ALPK2: variants seen among roughly 807,000 people sequenced by gnomAD.
ALPK2 encodes alpha-protein kinase 2.
A neutral mutation model predicts 163.1 loss-of-function variants in ALPK2; 127 were observed. The ratio of observed to expected loss-of-function variants is 0.78; its 90% confidence interval spans 0.67 to 0.90. ALPK2 has a LOEUF of 0.90. Among genes scored for constraint, ALPK2 ranks in the 40% least tolerant of loss-of-function variants. The pLI is 0.00. For missense variants in ALPK2, 2,360 were observed against 2,589.6 expected, an observed-to-expected ratio of 0.91 and a Z score of 1.92; for synonymous variants, 953 against 959.1, an observed-to-expected ratio of 0.99 and a Z score of 0.12.
intron 3 of ALPK2, among the ~76,000 whole-genome samples, chr18:58,589,209 A>ATG (rs1458508156): frequency 5.9e-5 from 9 of 152,184 alleles, no homozygotes; most frequent in Admixed American, 6.5e-5. Context: ...TCTTAGGCTG[A>ATG]TGATATAATT....
chr18:58,572,623 A>G (rs1221057721), intron 4 of ALPK2, among the ~76,000 whole-genome samples: 1 of 152,242 alleles, frequency 6.6e-6, no homozygotes, highest in Non-Finnish European at 1.5e-5. Flanking sequence ...AAAAACTTGT[A>G]TACTGTATGA....
At chr18:58,532,950 C>T (rs17065121) in intron 5 of ALPK2, among the ~76,000 whole-genome samples, 30,784 of 152,144 alleles carry the variant, frequency 0.2, 4,061 homozygotes, top group East Asian at 0.56. Flanking sequence ...GACCCAAACA[C>T]CCGCTAGTAT....
intron 6 of ALPK2, among the ~76,000 whole-genome samples, chr18:58,524,577 T>C (rs1007084381): frequency 6.6e-6 from 1 of 152,208 alleles, no homozygotes; most frequent in African/African-American, 2.4e-5. Flanking sequence ...CCCAAAATTA[T>C]TAAGTTCCGG....
At chr18:58,496,392 C>T (rs1019256165) in intron 12 of ALPK2, among the ~76,000 whole-genome samples, 3 of 152,212 alleles carry the variant, frequency 2.0e-5, no homozygotes, top group African/African-American at 7.2e-5. Flanking sequence ...AGCCTGGAGA[C>T]AGTTCCAACA....
Position 58,580,101 on chromosome 18 carries a change from T to G in ALPK2, c.675A>C (p.Glu225Asp), listed in dbSNP as rs1424496516. The G allele has an allele frequency of 6.2e-6, 10 of 1,614,290 alleles. No individual in the cohort carries two copies. The highest frequency in any genetic ancestry group is 8.5e-6 in the Non-Finnish European group (10 of 1,180,052). The stretch of plus-strand genomic sequence containing the variant: ...TCTTGTGGCAACATCTGTCTTGTTT[T>G]TCATAAATATGACTTGAATTAAGAA... ...LLFLNSSHIY[E>D]KQDRCCHKTV... Residue 225 changes from glutamate to aspartate, a missense_variant, in exon 4 of 13, where the codon GAA (glutamate) becomes GAC (aspartate). Glu to Asp is a conservative substitution (Grantham distance 45). Transcript: ENST00000361673.
At chr18:58,494,164 T>C (rs4539687) in intron 12 of ALPK2, among the ~76,000 whole-genome samples, 124,847 of 152,124 alleles carry the variant, frequency 0.82, 51,990 homozygotes, top group Non-Finnish European at 0.89. Flanking sequence ...AATTTCCAAT[T>C]AGAAATTTGT....
intron 4 of ALPK2, among the ~76,000 whole-genome samples, chr18:58,553,357 C>T (rs990063054): frequency 6.6e-6 from 1 of 152,150 alleles, no homozygotes; most frequent in Admixed American, 6.5e-5. Flanking sequence ...GGGTTAGACA[C>T]AGGGCCTGAA....
chr18:58,529,280 T>G, intron 5 of ALPK2, 42 bp from the exon 6 acceptor site: 1 of 1,552,778 alleles, frequency 6.4e-7, no homozygotes, highest in Non-Finnish European at 8.8e-7. Flanking sequence ...CAAAAGACTT[T>G]CCCATTTCAT....
At chr18:58,513,796 G>A (rs1258390448) in intron 10 of ALPK2, among the ~76,000 whole-genome samples, 3 of 152,100 alleles carry the variant, frequency 2.0e-5, no homozygotes, top group East Asian at 1.9e-4. Flanking sequence ...ACTTGAGCCC[G>A]GGAGGTCAAG....
At chr18:58,509,372 G>T (rs999109733) in intron 10 of ALPK2, among the ~76,000 whole-genome samples, 3 of 152,112 alleles carry the variant, frequency 2.0e-5, no homozygotes, top group Non-Finnish European at 4.4e-5. Context: ...ATAGCAGCAT[G>T]ATTTATAATC....
intron 12 of ALPK2, among the ~76,000 whole-genome samples, chr18:58,492,801 T>C (rs2051382009): frequency 6.6e-6 from 1 of 152,148 alleles, no homozygotes; most frequent in Non-Finnish European, 1.5e-5. Context: ...AACAGAACTG[T>C]CCTTTGTAAG....
At position 58,579,937 on chromosome 18, in the gene ALPK2, G is replaced by A. The variant is rs2051947767; in HGVS notation, c.839C>T (p.Thr280Ile). The stretch of plus-strand genomic sequence containing the variant: ...ACTGTCACCTGGGTAAATGTGTGCA[G>A]TTGCCTCAGATAGCGGGAGGCTGAA... ...ISFSLPLSEATAHIYPGDSAV... is the reference protein window; with the variant it reads ...ISFSLPLSEAIAHIYPGDSAV... Residue 280 changes from threonine (T) to isoleucine (I), a missense_variant, in exon 4 of 13, where the codon ACT becomes ATT. Thr to Ile is a moderately conservative substitution (Grantham distance 89). Transcript: ENST00000361673. The A allele has an allele frequency of 6.2e-7, 1 of 1,614,212 alleles. No individual in the cohort carries two copies. Among genetic ancestry groups the A allele is most frequent in the Admixed American group, 1.7e-5 (1 of 60,030 alleles).
At chr18:58,606,138 G>GT (rs1401324956) in intron 3 of ALPK2, among the ~76,000 whole-genome samples, 2 of 152,136 alleles carry the variant, frequency 1.3e-5, no homozygotes, top group Non-Finnish European at 2.9e-5. Context: ...GAGTGCAGTG[G>GT]TGCAATCATA....
At chr18:58,510,067 T>G (rs529431338) in intron 10 of ALPK2, among the ~76,000 whole-genome samples, 2 of 152,196 alleles carry the variant, frequency 1.3e-5, no homozygotes, top group African/African-American at 4.8e-5. Flanking sequence ...TTATATAAGG[T>G]GTAAGGAAGG....
chr18:58,485,011 T>C (rs1424691385), intron 12 of ALPK2, among the ~76,000 whole-genome samples: 2 of 152,134 alleles, frequency 1.3e-5, no homozygotes, highest in African/African-American at 2.4e-5. Context: ...ACCAGTGACA[T>C]GTAGGGCCCA....
chr18:58,555,104 C>T (rs190656433), intron 4 of ALPK2, among the ~76,000 whole-genome samples: 4 of 152,314 alleles, frequency 2.6e-5, no homozygotes, highest in Admixed American at 2.6e-4. Context: ...TAATACACAG[C>T]TCAACAGGCA....
intron 8 of ALPK2, among the ~76,000 whole-genome samples, chr18:58,521,213 G>C (rs1271212969): frequency 2.0e-5 from 3 of 152,186 alleles, no homozygotes; most frequent in Admixed American, 2.0e-4. Context: ...GGCTATAGCG[G>C]TGGTACCATT....
At chr18:58,492,189 CACAG>C (rs1057214899) in intron 12 of ALPK2, among the ~76,000 whole-genome samples, 3 of 152,018 alleles carry the variant, frequency 2.0e-5, no homozygotes, top group African/African-American at 4.8e-5. Context: ...CACAAAAAGA[CACAG>C]ACACAGATAT....
At chr18:58,612,967 T>A (rs1224961190) in intron 1 of ALPK2, among the ~76,000 whole-genome samples, 1 of 152,108 alleles carries the variant, frequency 6.6e-6, no homozygotes. Flanking sequence ...AAATCCTGAA[T>A]CCAGGGATGC....
Sources: gnomAD v4.1 joint callset for allele counts (sites outside exome capture counted in the v4.1 genomes callset) on GRCh38, gnomAD v4.1.1 for gene constraint, MANE v1.5 for transcripts, NCBI Gene and HGNC (gene_info 2026-07-23, HGNC 2026-07-21) for gene names.